FOXN3: variants seen among roughly 807,000 people sequenced by gnomAD.
FOXN3 encodes the protein forkhead box protein N3.
Under a neutral mutation model 38.4 loss-of-function variants are expected in FOXN3, and 7 were observed. That is an observed-to-expected ratio of 0.18 (90% confidence interval 0.10 to 0.34). The LOEUF is 0.34. Ranked by LOEUF, FOXN3 falls within the 10% of genes least tolerant of loss-of-function variation. The probability of loss-of-function intolerance (pLI) is 1.00; values close to 1 mark genes in which losing one functional copy is unlikely to be tolerated. For missense variants in FOXN3, 456 were observed against 613.4 expected, an observed-to-expected ratio of 0.74 and a Z score of 2.71; for synonymous variants, 230 against 242.2, an observed-to-expected ratio of 0.95 and a Z score of 0.47.
chr14:89,354,557 A>AAG (rs1889123648), intron 2 of FOXN3, among the ~76,000 whole-genome samples: 1 of 149,364 alleles, frequency 6.7e-6, no homozygotes, highest in African/African-American at 2.4e-5. Flanking sequence ...AAAAAAAAAA[A>AAG]AAAAGAAAAG....
intron 5 of FOXN3, among the ~76,000 whole-genome samples, chr14:89,169,584 G>A (rs569651194): frequency 2.6e-5 from 4 of 151,660 alleles, no homozygotes; most frequent in Non-Finnish European, 5.9e-5. Context: ...CAGAACCAAA[G>A]TACTGGAGAA....
At chr14:89,364,831 C>T (rs1188787428) in intron 2 of FOXN3, 2 of 152,144 alleles carry the variant, frequency 1.3e-5, no homozygotes, top group Admixed American at 6.5e-5. Context: ...GCATGTGGAA[C>T]AGGTGGAGAA....
chr14:89,317,307 G>C (rs1028190543), intron 3 of FOXN3, among the ~76,000 whole-genome samples: 1 of 152,176 alleles, frequency 6.6e-6, no homozygotes, highest in Non-Finnish European at 1.5e-5. Flanking sequence ...AGTGATGCCA[G>C]CTTCAGGAAC....
Position 89,360,794 on chromosome 14 carries a change from C to CACCACCTCCACCACTACCTCCACCACT in FOXN3, c.544-9987_544-9986insAGTGGTGGAGGTAGTGGTGGAGGTGGT. ...CCACCTCCACCACCACCTCCACCACCACCACCTCCAGCACCACCTCCACCA... is the reference window on the plus strand; with the variant it reads ...CCACCTCCACCACCACCTCCACCACCACCACCTCCACCACTACCTCCACCACTACCACCTCCAGCACCACCTCCACCA... On this transcript the variant is annotated intron_variant, in intron 2 of 5. Transcript: ENST00000557258. 2.7e-5 allele frequency among the ~76,000 whole-genome samples: 2 copies of CACCACCTCCACCACTACCTCCACCACT among 73,122 alleles called. 1 individual carries two copies. Among genetic ancestry groups the CACCACCTCCACCACTACCTCCACCACT allele is most frequent in the Non-Finnish European group, 5.6e-5 (2 of 35,608 alleles). The allele number at this position is 73,122 out of a possible 152,430, so 48.0% of individuals were successfully genotyped here. A position where few individuals can be genotyped will look rare whatever the true frequency, so the allele number is the denominator to read the frequency against.
At chr14:89,379,471 C>T (rs921333114) in intron 2 of FOXN3, among the ~76,000 whole-genome samples, 1 of 152,148 alleles carries the variant, frequency 6.6e-6, no homozygotes, top group Non-Finnish European at 1.5e-5. Context: ...CAGTAGACCG[C>T]TCCCCCGACA....
chr14:89,500,286 C>T (rs569295644), intron 1 of FOXN3, among the ~76,000 whole-genome samples: 2 of 152,316 alleles, frequency 1.3e-5, no homozygotes, highest in Admixed American at 6.5e-5. Context: ...TGGAAGCCAT[C>T]GGCACGGATG....
intron 1 of FOXN3, among the ~76,000 whole-genome samples, chr14:89,523,794 G>A (rs1003077607): frequency 7.3e-5 from 11 of 151,552 alleles, no homozygotes; most frequent in African/African-American, 1.9e-4. Context: ...ACAGAGTCTC[G>A]CTCTGTCACC....
intron 1 of FOXN3, among the ~76,000 whole-genome samples, chr14:89,467,300 C>CT (rs377253575): frequency 7.6e-4 from 116 of 152,328 alleles, no homozygotes; most frequent in African/African-American, 2.5e-3. Context: ...TGCTGTAACT[C>CT]TGAGATCCTT....
intron 4 of FOXN3, among the ~76,000 whole-genome samples, chr14:89,264,672 A>G (rs1344535960): frequency 6.6e-6 from 1 of 152,168 alleles, no homozygotes; most frequent in Non-Finnish European, 1.5e-5. Context: ...GCTCACAAGG[A>G]AAGGGCTCCC....
rs1206417582 is a variant in FOXN3, at chr14:89,548,174, G to C, written c.-15+70854C>G. 6.6e-6 allele frequency among the ~76,000 whole-genome samples: 1 copy of C among 152,128 alleles called. No homozygotes were observed. Among genetic ancestry groups the C allele is most frequent in the Non-Finnish European group, 1.5e-5 (1 of 68,038 alleles). ...GGACAAGAAACACCCCATTCACTTA[G>C]AGTAAAAATTACCTTTCACTTGCTT... On this transcript the variant is annotated intron_variant, in intron 1 of 6. Coordinates refer to the FOXN3 transcript ENST00000345097. This position sits in a 1 kb window ranked among gnomAD's most constrained non-coding sequence, Gnocchi z 4.8.
At chr14:89,576,721 A>G (rs997507497) in intron 1 of FOXN3, 13 of 152,144 alleles carry the variant, frequency 8.5e-5, no homozygotes, top group African/African-American at 3.1e-4. Flanking sequence ...TTCCCCGAAC[A>G]CTTCCGCTGT....
chr14:89,425,111 C>A (rs1261833231), intron 1 of FOXN3, among the ~76,000 whole-genome samples: 1 of 130,942 alleles, frequency 7.6e-6, no homozygotes, highest in African/African-American at 2.9e-5. Flanking sequence ...GCAGCCCAGG[C>A]TGGAATGCAG....
intron 1 of FOXN3, among the ~76,000 whole-genome samples, chr14:89,524,662 C>G (rs1192805033): frequency 6.6e-6 from 1 of 151,814 alleles, no homozygotes; most frequent in Middle Eastern, 3.2e-3. Context: ...TATAGGAGGA[C>G]ATTATCAACA....
At chr14:89,555,882 G>GGGGGGGGT (rs1895112250) in intron 1 of FOXN3, among the ~76,000 whole-genome samples, 2 of 104,594 alleles carry the variant, frequency 1.9e-5, no homozygotes, top group Non-Finnish European at 2.0e-5. Flanking sequence ...TGTGTATGTG[G>GGGGGGGGT]GGGTGTATGT....
chr14:89,383,029 G>GTTTTTTTTTT (rs57032907), intron 2 of FOXN3, among the ~76,000 whole-genome samples: 10 of 92,512 alleles, frequency 1.1e-4, no homozygotes, highest in Non-Finnish European at 1.6e-4. Context: ...TTTGGGTGGT[G>GTTTTTTTTTT]TTTTTTTTTT....
At chr14:89,261,022 G>A (rs1284630662) in intron 4 of FOXN3, among the ~76,000 whole-genome samples, 1 of 152,200 alleles carries the variant, frequency 6.6e-6, no homozygotes, top group Non-Finnish European at 1.5e-5. Context: ...ATGTGCATGT[G>A]TGCGGACTAT....
chr14:89,447,773 T>C (rs1050683366), intron 1 of FOXN3, among the ~76,000 whole-genome samples: 1 of 150,914 alleles, frequency 6.6e-6, no homozygotes, highest in Non-Finnish European at 1.5e-5. Flanking sequence ...TATCTGCAGT[T>C]GAAAGTCATC....
chr14:89,596,931 T>G (rs963479944), intron 1 of FOXN3, among the ~76,000 whole-genome samples: 1 of 152,300 alleles, frequency 6.6e-6, no homozygotes, highest in East Asian at 1.9e-4. Context: ...ATTTTATTAG[T>G]CCTTTGGCTC....
At chr14:89,394,705 T>G (rs1891058743) in intron 2 of FOXN3, among the ~76,000 whole-genome samples, 1 of 152,204 alleles carries the variant, frequency 6.6e-6, no homozygotes, top group Non-Finnish European at 1.5e-5. Flanking sequence ...CTCACAGCCA[T>G]GAACACACCT....
Sources: gnomAD v4.1 joint callset for allele counts (sites outside exome capture counted in the v4.1 genomes callset) on GRCh38, gnomAD v4.1.1 for gene constraint, Gnocchi (gnomAD v3.1) non-coding constraint, MANE v1.5 for transcripts, NCBI Gene and HGNC (gene_info 2026-07-23, HGNC 2026-07-21) for gene names.